The following RNF123 variants were observed in gnomAD, a reference collection of about 807,000 sequenced individuals.
RNF123 encodes the protein ring finger protein 123.
In RNF123, 86 loss-of-function variants were observed where a neutral mutation model predicts 168.5. The observed-to-expected ratio is 0.51, with a 90% CI of 0.43 to 0.61. The LOEUF (loss-of-function observed/expected upper bound fraction) is 0.61, where lower values mean the gene tolerates loss of function less well. Among genes scored for constraint, RNF123 ranks in the 20% least tolerant of loss-of-function variants. RNF123 has a pLI of 0.00. For missense variants in RNF123, 1,419 were observed against 1,729.7 expected (o/e 0.82, Z 3.19); for synonymous variants, 666 against 689.1 (o/e 0.97, Z 0.52).
chr3:49,712,763 G>A, intron 27 of RNF123, 107 bp downstream of exon 27: 1 of 1,266,360 alleles, frequency 7.9e-7, no homozygotes, highest in Non-Finnish European at 1.1e-6. Context: ...ACTTCTGTGG[G>A]GGGCGGGGAG....
chr3:49,718,302 C>A (rs1338899735), intron 35 of RNF123: 7 of 1,613,104 alleles, frequency 4.3e-6, no homozygotes, highest in African/African-American at 2.7e-5. Flanking sequence ...CACAGCCCAG[C>A]AGTGTGGTGA....
chr3:49,701,944 GGT>G (rs751038149), intron 17 of RNF123, 34 bp downstream of exon 17: 2 of 1,554,440 alleles, frequency 1.3e-6, no homozygotes, highest in African/African-American at 1.4e-5. Flanking sequence ...TAGGGTGGGA[GGT>G]GTGTGTGTGC....
chr3:49,706,677 A>G, intron 25 of RNF123, 114 bp from the exon 26 acceptor site: 2 of 875,322 alleles, frequency 2.3e-6, no homozygotes, highest in Non-Finnish European at 3.7e-6. Context: ...AATGGAGCCC[A>G]ATCCCTTGCC....
chr3:49,704,891 TG>T, intron 22 of RNF123, 92 bp from the exon 23 acceptor site: 1 of 1,396,246 alleles, frequency 7.2e-7, no homozygotes, highest in African/African-American at 1.4e-5. Context: ...TTGCTGTGGG[TG>T]GAGGCATGGA....
At chr3:49,719,477 C>G in intron 35 of RNF123, 2 of 1,604,986 alleles carry the variant, frequency 1.2e-6, no homozygotes, top group Non-Finnish European at 1.7e-6. Flanking sequence ...GCGGCGACCA[C>G]CAGGGACAGT....
rs564419033 is a variant in RNF123 at position 49,709,869 on chromosome 3, G to A, written c.2497-2610G>A. On this transcript the variant is annotated intron_variant, in intron 26 of 38. Coordinates refer to ENST00000327697, the MANE Select transcript of RNF123 (RefSeq NM_022064.5). ...ATTGCAGGCATGAGCCACCGCGCCC[G>A]GCCAATTCTGTTGTTTAATTTTTTG... Among the ~76,000 whole-genome samples, 9 of 152,266 alleles carry A rather than the reference G, an allele frequency of 5.9e-5. No individual in the cohort carries two copies. The East Asian group carries it at 9.6e-4, about 16-fold the overall frequency.
At chr3:49,689,775 T>G (rs1388392855) in intron 1 of RNF123, 169 bp downstream of exon 1, 1 of 152,260 alleles carries the variant, frequency 6.6e-6, no homozygotes, top group Non-Finnish European at 1.5e-5. Context: ...CGGGGGCGAC[T>G]TGGGGGAGCC....
In RNF123 at chr3:49,703,491, G is replaced by A. The variant is rs138522949; in HGVS notation, c.1815G>A (p.Leu605=). 1.5e-4 allele frequency: 246 copies of A among 1,613,992 alleles called. No homozygotes were observed. The African/African-American group carries it at 2.7e-3, about 18-fold the overall frequency. The change falls in exon 21 of 39, where the codon CTG becomes CTA. Residue 605 remains leucine (L), a synonymous_variant. Coordinates refer to ENST00000327697, the MANE Select transcript of RNF123 (RefSeq NM_022064.5). ...TGGACTACTTTGACCTGCAGCGCCT[G>A]GGGGGCCTCCTCTCGCACCTGCGGA... is the stretch of plus-strand genomic sequence containing the variant. ...GKVDYFDLQR[L]GGLLSHLRKT...
Position 49,715,615 on chromosome 3 carries a change from C to T in RNF123, c.3051C>T (p.Asp1017=). The T allele has an allele frequency of 6.2e-7, 1 of 1,614,164 alleles. No individual in the cohort carries two copies. ...CCCTGCTGCAGCAGCACATGGCGGACCTCCTACAGCAGGGTCCTGATGTGG... is the reference window on the plus strand; with the variant it reads ...CCCTGCTGCAGCAGCACATGGCGGATCTCCTACAGCAGGGTCCTGATGTGG... ...PSTLLQQHMA[D]LLQQGPDVAP... Residue 1017 remains aspartate (D), a synonymous_variant, in exon 32 of 39, where the codon GAC becomes GAT. Transcript: ENST00000327697.
intron 35 of RNF123, chr3:49,718,044 C>T: frequency 6.2e-7 from 1 of 1,613,700 alleles, no homozygotes; most frequent in South Asian, 1.1e-5. Context: ...GATCGAATTC[C>T]TCAGCTACTG....
At chr3:49,709,432 C>G (rs1394619664) in intron 26 of RNF123, among the ~76,000 whole-genome samples, 1 of 152,122 alleles carries the variant, frequency 6.6e-6, no homozygotes, top group Non-Finnish European at 1.5e-5. Flanking sequence ...TCCCGAGTAG[C>G]TGGGACTACA....
intron 29 of RNF123, 39 bp from the exon 30 acceptor site, chr3:49,713,871 C>G: frequency 1.2e-6 from 2 of 1,613,066 alleles, no homozygotes; most frequent in Non-Finnish European, 8.5e-7. Flanking sequence ...AAGCACCATG[C>G]CCAGCCTCAC....
rs1306201437 is a variant in RNF123 at position 49,698,294 on chromosome 3, C to T, written c.484-146C>T. 1.1e-5 allele frequency: 10 copies of T among 926,842 alleles called. No individual in the cohort carries two copies. The Admixed American group carries it at 2.0e-4, about 18-fold the overall frequency. 57.4% of individuals were successfully genotyped at this position (926,842 alleles called of 1,614,324 possible). A position where few individuals can be genotyped will look rare whatever the true frequency, so the allele number is the denominator to read the frequency against. On this transcript the variant is annotated intron_variant, in intron 7 of 38. Coordinates refer to ENST00000327697, the MANE Select transcript of RNF123 (RefSeq NM_022064.5). ...ACGTGTCCCACCCAATCCCAGGCACCCCAGCTCAGAGAATACCTCTTACTC... is the reference window on the plus strand; with the variant it reads ...ACGTGTCCCACCCAATCCCAGGCACTCCAGCTCAGAGAATACCTCTTACTC...
At position 49,700,209 on chromosome 3, in the gene RNF123, T is replaced by G. The variant is rs1420214866; in HGVS notation, c.985-18T>G. On this transcript the variant is annotated intron_variant, in intron 12 of 38. Coordinates refer to ENST00000327697, the MANE Select transcript of RNF123 (RefSeq NM_022064.5). ...GAGTGGAAGGCCACCACCTCACCAG[T>G]GCCTGGCCTTGGTGCAGCGCAAGGT... 1 of 1,613,658 alleles carries G rather than the reference T, an allele frequency of 6.2e-7. No individual in the cohort carries two copies. The highest frequency in any genetic ancestry group is 1.3e-5 in the African/African-American group (1 of 74,942).
chr3:49,717,980 T>C (rs2080281958), intron 35 of RNF123: 1 of 1,613,410 alleles, frequency 6.2e-7, no homozygotes, highest in Non-Finnish European at 8.5e-7. Flanking sequence ...TCGGAGCCTA[T>C]GGAGCTGGCG....
intron 8 of RNF123, 36 bp from the exon 9 acceptor site, chr3:49,698,695 GTTCAGAGTCAGCAGGCTGCTGGGC>G: frequency 1.9e-6 from 3 of 1,591,026 alleles, no homozygotes; most frequent in Non-Finnish European, 2.6e-6. Flanking sequence ...CGCAGCTGGG[GTTCAGAGTCAGCAGGCTGCTGGGC>G]TTCTGTGCAT....
chr3:49,713,597 C>T lies in RNF123; in HGVS notation c.2749+10C>T. 4 of 1,610,606 alleles carry T rather than the reference C, an allele frequency of 2.5e-6. No homozygotes were observed. The highest frequency in any genetic ancestry group is 3.4e-6 in the Non-Finnish European group (4 of 1,178,572). On this transcript the variant is annotated intron_variant, in intron 28 of 38. Coordinates refer to ENST00000327697, the MANE Select transcript of RNF123 (RefSeq NM_022064.5). ...CGCATTGTGGGCACTGGTGAGGGGCCCCTACAGAGGGTACAGGGGGAGGGG... is the reference window on the plus strand; with the variant it reads ...CGCATTGTGGGCACTGGTGAGGGGCTCCTACAGAGGGTACAGGGGGAGGGG...
rs1421070636 is a variant in RNF123, at chr3:49,716,495, T to G, written c.3500+18T>G. ...GCCTCAGAGTGAGTGTTGGGGACCG[T>G]GGGCCCCTGTGGGAGTTGGGTGTGT... On this transcript the variant is annotated intron_variant, in intron 35 of 38. Transcript: ENST00000327697. The G allele has an allele frequency of 6.2e-7, 1 of 1,605,452 alleles. No individual in the cohort carries two copies. Among genetic ancestry groups the G allele is most frequent in the African/African-American group, 1.3e-5 (1 of 74,700 alleles).
chr3:49,706,583 C>G (rs2054524681), intron 25 of RNF123, among the ~76,000 whole-genome samples: 1 of 152,368 alleles, frequency 6.6e-6, no homozygotes, highest in East Asian at 1.9e-4. Context: ...GCCTCACTTC[C>G]ATGTCATGAG....
Sources: allele counts gnomAD v4.1 joint callset (sites outside exome capture counted in the v4.1 genomes callset), GRCh38; gene constraint gnomAD v4.1.1; transcripts MANE v1.5; gene names NCBI Gene and HGNC (gene_info 2026-07-23, HGNC 2026-07-21).